RELN: variants seen among roughly 807,000 people sequenced by gnomAD.
The protein encoded by RELN is reelin.
RELN carries 108 observed loss-of-function variants against 427.6 expected under a neutral mutation model. That is an observed-to-expected ratio of 0.25 (90% confidence interval 0.22 to 0.30). The LOEUF (loss-of-function observed/expected upper bound fraction) is 0.30, where lower values mean the gene tolerates loss of function less well. Among genes scored for constraint, RELN ranks in the 10% least tolerant of loss-of-function variants. The pLI is 1.00. For synonymous variants in RELN, 1,524 were observed against 1,513.4 expected, an observed-to-expected ratio of 1.01 and a Z score of -0.16; for missense variants, 3,715 against 4,302.8, an observed-to-expected ratio of 0.86 and a Z score of 3.82.
intron 43 of RELN, among the ~76,000 whole-genome samples, chr7:103,540,827 C>T (rs372771866): frequency 6.6e-6 from 1 of 152,008 alleles, no homozygotes; most frequent in East Asian, 1.9e-4. Context: ...AAGTGTAACT[C>T]CTTAAACTCT....
intron 2 of RELN, among the ~76,000 whole-genome samples, chr7:103,894,977 T>C (rs1302902662): frequency 6.6e-6 from 1 of 152,138 alleles, no homozygotes; most frequent in African/African-American, 2.4e-5. Context: ...AATCTTTACA[T>C]AATGTGTATA....
At chr7:103,770,654 A>G (rs564072405) in intron 4 of RELN, among the ~76,000 whole-genome samples, 3 of 110,874 alleles carry the variant, frequency 2.7e-5, no homozygotes, top group Non-Finnish European at 5.4e-5. Context: ...TTTTTTAAAA[A>G]TTTTTTTTTT....
intron 2 of RELN, among the ~76,000 whole-genome samples, chr7:103,875,619 A>G (rs1308421224): frequency 6.6e-6 from 1 of 152,156 alleles, no homozygotes; most frequent in Non-Finnish European, 1.5e-5. Context: ...ATGCTGTTTT[A>G]AAACTACCAG....
In RELN at chr7:103,755,303, C is replaced by T. The variant is rs546134550; in HGVS notation, c.545-2089G>A. On this transcript the variant is annotated intron_variant, in intron 4 of 64. Coordinates refer to ENST00000428762, the MANE Select transcript of RELN (RefSeq NM_005045.4). ...CTAACACAGTGAAACTCCGTATCCA[C>T]TAAAAATAAAAAAATAAAAAAATGG... Among the ~76,000 whole-genome samples, 16 of 150,914 alleles carry T rather than the reference C, an allele frequency of 1.1e-4. No homozygotes were observed. In the East Asian group the frequency reaches 3.1e-3, roughly 29 times the overall value.
At chr7:103,556,465 T>C (rs1830523373) in intron 38 of RELN, among the ~76,000 whole-genome samples, 1 of 152,004 alleles carries the variant, frequency 6.6e-6, no homozygotes, top group African/African-American at 2.4e-5. Context: ...TTTAAATATT[T>C]ATTGAGACTT....
intron 7 of RELN, among the ~76,000 whole-genome samples, chr7:103,725,250 G>A (rs1790176416): frequency 6.6e-6 from 1 of 152,144 alleles, no homozygotes; most frequent in Admixed American, 6.6e-5. Context: ...TTTCAAATAT[G>A]TGAGAATAAT....
At chr7:103,881,345 C>A (rs1794602331) in intron 2 of RELN, among the ~76,000 whole-genome samples, 1 of 152,124 alleles carries the variant, frequency 6.6e-6, no homozygotes, top group African/African-American at 2.4e-5. Flanking sequence ...ATAACCCTCT[C>A]CTGATTTCCT....
chr7:103,896,711 T>A (rs10215599), intron 2 of RELN, among the ~76,000 whole-genome samples: 51,025 of 151,850 alleles, frequency 0.34, 8,958 homozygotes, highest in East Asian at 0.46. Context: ...ACCTCATATA[T>A]CCTTAAGATG....
chr7:103,755,556 T>C (rs1451645550), intron 4 of RELN, among the ~76,000 whole-genome samples: 16 of 144,508 alleles, frequency 1.1e-4, no homozygotes, highest in South Asian at 2.2e-4. Flanking sequence ...TGCAGTGAGC[T>C]AAGATCGCGC....
intron 20 of RELN, chr7:103,627,993 T>C (rs905067764): frequency 4.6e-5 from 7 of 152,202 alleles, no homozygotes; most frequent in Admixed American, 6.5e-5. Context: ...TAACTATTTA[T>C]GAAAATAAAC....
intron 31 of RELN, among the ~76,000 whole-genome samples, chr7:103,568,077 G>A (rs1415759170): frequency 1.3e-5 from 2 of 152,290 alleles, no homozygotes; most frequent in East Asian, 1.9e-4. Flanking sequence ...GATTAAAGGC[G>A]TGAGCCATTG....
chr7:103,609,625 T>A (rs981074239), intron 22 of RELN, among the ~76,000 whole-genome samples: 4 of 152,196 alleles, frequency 2.6e-5, no homozygotes, highest in African/African-American at 9.6e-5. Context: ...TAATAATGCA[T>A]CCTTCAAAAT....
intron 33 of RELN, 24 bp from the exon 34 acceptor site, chr7:103,565,575 G>A (rs1194659729): frequency 6.2e-7 from 1 of 1,606,578 alleles, no homozygotes; most frequent in Non-Finnish European, 8.5e-7. Context: ...ATGTGTAATG[G>A]TAGCATATAT....
intron 28 of RELN, among the ~76,000 whole-genome samples, chr7:103,579,325 G>A (rs574654650): frequency 3.9e-5 from 6 of 152,254 alleles, no homozygotes; most frequent in East Asian, 1.9e-4. Flanking sequence ...TAGGCCAGGC[G>A]CAGTGGCTCA....
intron 2 of RELN, among the ~76,000 whole-genome samples, chr7:103,837,440 C>T (rs1793437742): frequency 1.3e-5 from 2 of 152,218 alleles, no homozygotes; most frequent in Non-Finnish European, 1.5e-5. Context: ...GCCACCCTCA[C>T]TCTCACCTCT....
chr7:103,839,231 A>C (rs1563043596), intron 2 of RELN, among the ~76,000 whole-genome samples: 1 of 151,886 alleles, frequency 6.6e-6, no homozygotes, highest in Non-Finnish European at 1.5e-5. Context: ...CTAATCCTAA[A>C]ACCATCCCAA....
intron 10 of RELN, among the ~76,000 whole-genome samples, chr7:103,683,991 G>C (rs1833708839): frequency 6.6e-6 from 1 of 152,142 alleles, no homozygotes; most frequent in Admixed American, 6.5e-5. Flanking sequence ...ATTCTGAATA[G>C]AACCCAGTGT....
chr7:103,630,858 TTG>T lies in RELN; in HGVS notation c.2466-684_2466-683del, dbSNP rs752692546. Among the ~76,000 whole-genome samples, 42 of 85,534 alleles carry T rather than the reference TTG, an allele frequency of 4.9e-4. 1 individual carries two copies. The highest frequency in any genetic ancestry group is 8.7e-4 in the Non-Finnish European group (34 of 39,198). 56.1% of individuals were successfully genotyped at this position (85,534 alleles called of 152,430 possible). On this transcript the variant is annotated intron_variant, in intron 19 of 64. Transcript: ENST00000428762. Reference sequence around the variant, plus strand: ...GGGCTGAGTTATTTTTTTGTTTTTTTTGTTTTTTTTTTTTTTGTTTTTTAACT... The same window carrying T: ...GGGCTGAGTTATTTTTTTGTTTTTTTTTTTTTTTTTTTTTGTTTTTTAACT...
At position 103,630,071 on chromosome 7, in the gene RELN, A is replaced by G. The variant is rs776372368; in HGVS notation, c.2571T>C (p.Asp857=). The stretch of plus-strand genomic sequence containing the variant: ...AAAGCACAGATGTCATGATAATCTC[A>G]TCAATAGCCCATACATCTTCTCTCT... ...SSQREDVWAI[D]EIIMTSVLFN... Residue 857 remains aspartate, a synonymous_variant, in exon 20 of 65, where the codon GAT becomes GAC. Coordinates refer to ENST00000428762, the MANE Select transcript of RELN (RefSeq NM_005045.4). 6.2e-7 allele frequency: 1 copy of G among 1,612,476 alleles called. No homozygotes were observed. The highest frequency in any genetic ancestry group is 1.1e-5 in the South Asian group (1 of 91,050).
Sources: allele counts gnomAD v4.1 joint callset (sites outside exome capture counted in the v4.1 genomes callset), GRCh38; gene constraint gnomAD v4.1.1; transcripts MANE v1.5; gene names NCBI Gene and HGNC (gene_info 2026-07-23, HGNC 2026-07-21).